The following GLCCI1 variants were observed in gnomAD, a reference collection of about 807,000 sequenced individuals.
The protein encoded by GLCCI1 is glucocorticoid-induced transcript 1 protein.
GLCCI1 carries 24 observed loss-of-function variants against 52.2 expected under a neutral mutation model. The observed-to-expected ratio is 0.46, with a 90% CI of 0.33 to 0.65. The LOEUF (loss-of-function observed/expected upper bound fraction) is 0.65, where lower values mean the gene tolerates loss of function less well. Among genes scored for constraint, GLCCI1 ranks in the 30% least tolerant of loss-of-function variants. GLCCI1 has a pLI of 0.02. For synonymous variants in GLCCI1, 310 were observed against 276.5 expected, an observed-to-expected ratio of 1.12 and a Z score of -1.20; for missense variants, 704 against 701.5, an observed-to-expected ratio of 1.00 and a Z score of -0.04.
At chr7:7,992,972 A>C (rs1158461113) in intron 1 of GLCCI1, among the ~76,000 whole-genome samples, 1 of 152,054 alleles carries the variant, frequency 6.6e-6, no homozygotes, top group Non-Finnish European at 1.5e-5. Flanking sequence ...GTATTTTTTA[A>C]GTAATGAGGT....
chr7:7,984,309 C>G (rs1780678639), intron 1 of GLCCI1, among the ~76,000 whole-genome samples: 1 of 152,146 alleles, frequency 6.6e-6, no homozygotes, highest in South Asian at 2.1e-4. Context: ...ATCCTCTCAC[C>G]TTGGGCTCCC....
At chr7:8,070,308 A>G (rs1184623497) in intron 5 of GLCCI1, 1 of 152,256 alleles carries the variant, frequency 6.6e-6, no homozygotes. Flanking sequence ...CTGAGTTAGT[A>G]GAATTTGATA....
chr7:8,003,148 G>T (rs1174519822), intron 1 of GLCCI1, among the ~76,000 whole-genome samples: 1 of 152,202 alleles, frequency 6.6e-6, no homozygotes, highest in East Asian at 1.9e-4. Context: ...AACTTATGTT[G>T]TGATGGGAGA....
intron 3 of GLCCI1, among the ~76,000 whole-genome samples, chr7:8,029,352 ATCATT>A (rs1440766635): frequency 2.0e-5 from 3 of 152,226 alleles, no homozygotes; most frequent in Non-Finnish European, 4.4e-5. Flanking sequence ...AAGCCATATG[ATCATT>A]TCAATTGATG....
intron 1 of GLCCI1, among the ~76,000 whole-genome samples, chr7:7,979,031 A>G (rs1780553618): frequency 6.6e-6 from 1 of 152,214 alleles, no homozygotes; most frequent in Admixed American, 6.5e-5. Flanking sequence ...AAAAGAATCA[A>G]TCAACAGTCC....
chr7:8,084,117 TGACACA>T (rs1468243341), intron 6 of GLCCI1, among the ~76,000 whole-genome samples: 1 of 152,228 alleles, frequency 6.6e-6, no homozygotes, highest in Non-Finnish European at 1.5e-5. Context: ...ATAAAAATAA[TGACACA>T]TTTTAGTGGA....
chr7:8,073,507 G>GT (rs1267170838), intron 6 of GLCCI1, among the ~76,000 whole-genome samples: 1 of 151,502 alleles, frequency 6.6e-6, no homozygotes, highest in African/African-American at 2.4e-5. Flanking sequence ...TCATCCTCTT[G>GT]TTTTTTTAAT....
At chr7:8,022,894 ACT>A (rs1350782975) in intron 3 of GLCCI1, among the ~76,000 whole-genome samples, 3 of 152,044 alleles carry the variant, frequency 2.0e-5, no homozygotes, top group Admixed American at 6.6e-5. Context: ...TTTATGTAAT[ACT>A]CTCTATCTTG....
Position 8,018,733 on chromosome 7 carries a change from A to T in GLCCI1, c.610-3750A>T, listed in dbSNP as rs569674791. ...ACCTTTTTTGTTAATAGTCTTACAG[A>T]TAGGTTTTAGTTCTGCATTGTTCAA... On this transcript the variant is annotated intron_variant, in intron 2 of 7. Coordinates refer to ENST00000223145, the MANE Select transcript of GLCCI1 (RefSeq NM_138426.4). 2.0e-5 allele frequency among the ~76,000 whole-genome samples: 3 copies of T among 152,032 alleles called. No homozygotes were observed. The East Asian group carries it at 5.8e-4, about 29-fold the overall frequency.
At chr7:8,055,262 T>C (rs917532033) in intron 3 of GLCCI1, among the ~76,000 whole-genome samples, 171 bp from the exon 4 acceptor site, 3 of 152,258 alleles carry the variant, frequency 2.0e-5, no homozygotes, top group Non-Finnish European at 4.4e-5. Flanking sequence ...TATTTACTTC[T>C]CATTTTTAAT....
intron 6 of GLCCI1, among the ~76,000 whole-genome samples, chr7:8,082,334 A>G (rs188723874): frequency 6.6e-6 from 1 of 152,268 alleles, no homozygotes; most frequent in Admixed American, 6.5e-5. Context: ...AAATCACAGA[A>G]TTTTAGAGTT....
chr7:8,010,559 T>C (rs1375988021), intron 2 of GLCCI1, among the ~76,000 whole-genome samples: 1 of 152,222 alleles, frequency 6.6e-6, no homozygotes, highest in Non-Finnish European at 1.5e-5. Context: ...TGTTTTTAAT[T>C]CAGCTAAATT....
chr7:7,979,209 T>C (rs1198590582), intron 1 of GLCCI1, among the ~76,000 whole-genome samples: 3 of 152,176 alleles, frequency 2.0e-5, no homozygotes, highest in Non-Finnish European at 4.4e-5. Context: ...ATTTCGATCA[T>C]AGAGCTTAAA....
At chr7:8,001,044 G>C (rs1459795678) in intron 1 of GLCCI1, among the ~76,000 whole-genome samples, 1 of 152,126 alleles carries the variant, frequency 6.6e-6, no homozygotes, top group Non-Finnish European at 1.5e-5. Context: ...TTACATTTAA[G>C]GTTAATATTG....
intron 5 of GLCCI1, among the ~76,000 whole-genome samples, chr7:8,069,649 C>G (rs919991634): frequency 2.1e-4 from 32 of 152,040 alleles, no homozygotes; most frequent in Admixed American, 1.8e-3. Flanking sequence ...AGCCCTCGGC[C>G]TCTCTGTTTC....
chr7:8,086,645 T>TTATGATGCTG lies in GLCCI1; in HGVS notation c.*107_*108insTATGATGCTG. 1 of 845,458 alleles carries TTATGATGCTG rather than the reference T, an allele frequency of 1.2e-6. No homozygotes were observed. The highest frequency in any genetic ancestry group is 1.9e-6 in the Non-Finnish European group (1 of 538,352). The allele number at this position is 845,458 out of a possible 1,614,324, so 52.4% of individuals were successfully genotyped here. A position where few individuals can be genotyped will look rare whatever the true frequency, so the allele number is the denominator to read the frequency against. ...GAACACCACCACCACCAATAATACTTATCAGCATCATAAAGTATCTCTTAA... is the reference window on the plus strand; with the variant it reads ...GAACACCACCACCACCAATAATACTTTATGATGCTGATCAGCATCATAAAGTATCTCTTAA... On this transcript the variant is annotated 3_prime_UTR_variant, in exon 8 of 8. Coordinates refer to ENST00000223145, the MANE Select transcript of GLCCI1 (RefSeq NM_138426.4). This position sits in a 1 kb window ranked among gnomAD's most constrained non-coding sequence, Gnocchi z 4.4.
In GLCCI1 at chr7:8,003,208, TAGAA is replaced by T. The variant is rs34944995; in HGVS notation, c.458-699_458-696del. Among the ~76,000 whole-genome samples, 1,249 of 152,258 alleles carry T rather than the reference TAGAA, an allele frequency of 8.2e-3. 8 individuals are homozygous for T. Among genetic ancestry groups the T allele is most frequent in the Non-Finnish European group, 0.012 (809 of 68,018 alleles). On this transcript the variant is annotated intron_variant, in intron 1 of 7. Transcript: ENST00000223145. ...AAAGCAGAGACAGGCAAGTATATCTTAGAAGGAAGGCGAGAGGAAAGGGCATTAG... is the reference window on the plus strand; with the variant it reads ...AAAGCAGAGACAGGCAAGTATATCTTGGAAGGCGAGAGGAAAGGGCATTAG...
chr7:8,030,229 G>A (rs540673098), intron 3 of GLCCI1, among the ~76,000 whole-genome samples: 4 of 152,114 alleles, frequency 2.6e-5, no homozygotes, highest in Non-Finnish European at 5.9e-5. Context: ...AGAGAATCCA[G>A]AAACAAATTC....
At chr7:8,046,608 G>A (rs1454057348) in intron 3 of GLCCI1, among the ~76,000 whole-genome samples, 3 of 152,250 alleles carry the variant, frequency 2.0e-5, no homozygotes, top group East Asian at 1.9e-4. Flanking sequence ...TTTGCCAATC[G>A]GAAAATTTTT....
Sources: allele counts gnomAD v4.1 joint callset (sites outside exome capture counted in the v4.1 genomes callset), GRCh38; gene constraint gnomAD v4.1.1; non-coding constraint Gnocchi (gnomAD v3.1); transcripts MANE v1.5; gene names NCBI Gene and HGNC (gene_info 2026-07-23, HGNC 2026-07-21).